CFAP46: variants seen among roughly 807,000 people sequenced by gnomAD.
CFAP46 encodes cilia- and flagella-associated protein 46.
CFAP46 carries 245 observed loss-of-function variants against 325.7 expected under a neutral mutation model. That is an observed-to-expected ratio of 0.75 (90% CI 0.68 to 0.84). CFAP46 has a LOEUF of 0.84. Ranked by LOEUF, CFAP46 falls within the 40% of genes least tolerant of loss-of-function variation. The pLI is 0.00. For missense variants in CFAP46, 3,346 were observed against 3,543.0 expected (o/e 0.94, Z 1.41); for synonymous variants, 1,523 against 1,495.9 (o/e 1.02, Z -0.42).
chr10:132,815,814 A>AACTG (rs1268889836), intron 50 of CFAP46, among the ~76,000 whole-genome samples: 1 of 152,100 alleles, frequency 6.6e-6, no homozygotes, highest in Admixed American at 6.6e-5. Context: ...AGAAAAGCTG[A>AACTG]ACTGAGTGAT....
At chr10:132,895,547 G>A (rs915897647) in intron 24 of CFAP46, among the ~76,000 whole-genome samples, 3 of 151,850 alleles carry the variant, frequency 2.0e-5, no homozygotes, top group Non-Finnish European at 4.4e-5. Context: ...ATTCACAGAT[G>A]ACATGATCCT....
chr10:132,889,141 A>G lies in CFAP46; in HGVS notation c.3305-3182T>C, dbSNP rs931350891. ...CCTCCCCCAGCACTCTGCAGGCCAC[A>G]GTGCTGAGGGCTGGAGTCCGTGTCA... On this transcript the variant is annotated intron_variant, in intron 25 of 57. Transcript: ENST00000368586. The surrounding 1 kb of genome is among the most constrained non-coding windows in gnomAD (Gnocchi z 6.0). Among the ~76,000 whole-genome samples, 15 of 152,158 alleles carry G rather than the reference A, an allele frequency of 9.9e-5. No individual in the cohort carries two copies. The highest frequency in any genetic ancestry group is 3.4e-4 in the African/African-American group (14 of 41,442).
At chr10:132,849,720 A>T (rs1277246816) in intron 41 of CFAP46, among the ~76,000 whole-genome samples, 2 of 152,082 alleles carry the variant, frequency 1.3e-5, no homozygotes, top group Admixed American at 1.3e-4. Context: ...CTGGGCATGG[A>T]GGCAGCAGCC....
intron 38 of CFAP46, among the ~76,000 whole-genome samples, chr10:132,858,298 C>G (rs537918844): frequency 4.8e-4 from 64 of 134,356 alleles, no homozygotes; most frequent in African/African-American, 1.6e-3. Context: ...AGGTTGGGGG[C>G]AGGGAGGTGG....
intron 39 of CFAP46, among the ~76,000 whole-genome samples, chr10:132,856,584 TGTCA>T (rs1205430439): frequency 6.6e-6 from 1 of 152,190 alleles, no homozygotes; most frequent in East Asian, 1.9e-4. Flanking sequence ...CTGCCATCAT[TGTCA>T]TTCACCCCAC....
chr10:132,819,646 C>T (rs796093977), intron 50 of CFAP46, among the ~76,000 whole-genome samples: 52 of 152,312 alleles, frequency 3.4e-4, no homozygotes, highest in African/African-American at 8.9e-4. Flanking sequence ...GCGGAAATGA[C>T]GGTCTCGTCA....
chr10:132,909,337 T>C (rs1339023616), intron 20 of CFAP46, 93 bp from the exon 21 acceptor site: 3 of 906,212 alleles, frequency 3.3e-6, no homozygotes, highest in Admixed American at 2.0e-5. Flanking sequence ...ATTAGTTTTA[T>C]GGCAATAATC....
intron 54 of CFAP46, 37 bp from the exon 55 acceptor site, chr10:132,812,934 T>TGCAC: frequency 6.5e-7 from 1 of 1,537,650 alleles, no homozygotes; most frequent in Non-Finnish European, 8.9e-7. Context: ...ACAGTGCCCA[T>TGCAC]GCACCTGTAC....
chr10:132,890,539 T>TC (rs910434904), intron 25 of CFAP46, among the ~76,000 whole-genome samples: 5 of 151,292 alleles, frequency 3.3e-5, no homozygotes, highest in African/African-American at 4.9e-5. Flanking sequence ...CAGTGCGGAG[T>TC]CCCCCCCAGA....
intron 50 of CFAP46, among the ~76,000 whole-genome samples, chr10:132,822,096 G>T (rs1193205475): frequency 6.8e-6 from 1 of 147,208 alleles, no homozygotes; most frequent in Non-Finnish European, 1.5e-5. Flanking sequence ...TGTGTGCTGT[G>T]TGAGTGCTGA....
intron 50 of CFAP46, among the ~76,000 whole-genome samples, chr10:132,824,397 T>C (rs1006556263): frequency 5.2e-5 from 7 of 135,426 alleles, no homozygotes. Flanking sequence ...CTGTGTGTGC[T>C]GATGTGTGTT....
In CFAP46 at chr10:132,909,782, A is replaced by G. The variant is rs1591085071; in HGVS notation, c.2649+137T>C. 6 of 804,338 alleles carry G rather than the reference A, an allele frequency of 7.5e-6. No homozygotes were observed. In the East Asian group the frequency reaches 1.9e-4, roughly 25 times the overall value. 49.8% of individuals were successfully genotyped at this position (804,338 alleles called of 1,614,324 possible). ...GCCAGCGGCGGTGAGCTCAGTGGGA[A>G]AAGGGAGTGCCCAGGCCATCCGTGA... On this transcript the variant is annotated intron_variant, in intron 20 of 57. Coordinates refer to ENST00000368586, the MANE Select transcript of CFAP46 (RefSeq NM_001200049.3).
At chr10:132,821,121 GTGTGTGTGCTGA>G (rs1847804589) in intron 50 of CFAP46, among the ~76,000 whole-genome samples, 1 of 61,026 alleles carries the variant, frequency 1.6e-5, no homozygotes. Flanking sequence ...GATGTGTGCT[GTGTGTGTGCTGA>G]TGTGTGCTGT....
chr10:132,845,683 A>T (rs1848422105), intron 44 of CFAP46, among the ~76,000 whole-genome samples: 1 of 152,224 alleles, frequency 6.6e-6, no homozygotes, highest in South Asian at 2.1e-4. Context: ...CTTAGACCTG[A>T]CCAAGGTGTA....
At chr10:132,891,268 C>T (rs1168101163) in intron 25 of CFAP46, among the ~76,000 whole-genome samples, 1 of 152,204 alleles carries the variant, frequency 6.6e-6, no homozygotes, top group Non-Finnish European at 1.5e-5. Context: ...AATGGGCCCT[C>T]CTCTCGGCCA....
chr10:132,894,216 T>G (rs1216857381), intron 24 of CFAP46, among the ~76,000 whole-genome samples: 1 of 152,258 alleles, frequency 6.6e-6, no homozygotes, highest in Non-Finnish European at 1.5e-5. Flanking sequence ...TCTGAAATAC[T>G]AAGTCACAAA....
intron 39 of CFAP46, among the ~76,000 whole-genome samples, chr10:132,856,592 A>C (rs1848646019): frequency 6.6e-6 from 1 of 151,876 alleles, no homozygotes; most frequent in African/African-American, 2.4e-5. Flanking sequence ...ATTGTCATTC[A>C]CCCCACCTGG....
At position 132,808,485 on chromosome 10, in the gene CFAP46, G is replaced by A. The variant is rs751247627; in HGVS notation, c.8084C>T (p.Ala2695Val). 15 of 1,613,104 alleles carry A rather than the reference G, an allele frequency of 9.3e-6. No homozygotes were observed. Among genetic ancestry groups the A allele is most frequent in the East Asian group, 6.7e-5 (3 of 44,890 alleles). ...RGQDKGGLPLAALVLSCLDQK... is the reference protein window; with the variant it reads ...RGQDKGGLPLVALVLSCLDQK... Reference sequence around the variant, plus strand: ...GTCTAAGCAACTCAGCACCAGCGCCGCCAAGGGGAGGCCGCCCTTGTCCTG... The same window carrying A: ...GTCTAAGCAACTCAGCACCAGCGCCACCAAGGGGAGGCCGCCCTTGTCCTG... Residue 2695 changes from alanine (A) to valine (V), a missense_variant, in exon 58 of 58, where the codon GCG becomes GTG. Ala to Val is a moderately conservative substitution (Grantham distance 64, BLOSUM62 0). Coordinates refer to ENST00000368586, the MANE Select transcript of CFAP46 (RefSeq NM_001200049.3). This position sits in a 1 kb window ranked among gnomAD's most constrained non-coding sequence, Gnocchi z 6.8.
chr10:132,908,141 G>A (rs769051772), intron 22 of CFAP46, among the ~76,000 whole-genome samples: 23 of 152,266 alleles, frequency 1.5e-4, no homozygotes, highest in Admixed American at 3.3e-4. Flanking sequence ...TTGTCCATGA[G>A]GGCACGGGGC....
Sources: gnomAD v4.1 joint callset for allele counts (sites outside exome capture counted in the v4.1 genomes callset) on GRCh38, gnomAD v4.1.1 for gene constraint, Gnocchi (gnomAD v3.1) non-coding constraint, MANE v1.5 for transcripts, NCBI Gene and HGNC (gene_info 2026-07-23, HGNC 2026-07-21) for gene names.